Variants in PKHD1L1 observed in about 807,000 individuals in gnomAD.
PKHD1L1 encodes fibrocystin-L.
Under a neutral mutation model 462.9 loss-of-function variants are expected in PKHD1L1, and 434 were observed. The observed-to-expected ratio is 0.94, with a 90% CI of 0.87 to 1.02. PKHD1L1 has a LOEUF of 1.02. PKHD1L1 is among the 50% of genes least tolerant of loss of function. The pLI is 0.00. For missense variants in PKHD1L1, 5,202 were observed against 5,096.1 expected, an observed-to-expected ratio of 1.02 and a Z score of -0.63; for synonymous variants, 1,781 against 1,750.0, an observed-to-expected ratio of 1.02 and a Z score of -0.44.
chr8:109,370,945 T>A (rs1811474574), intron 2 of PKHD1L1, among the ~76,000 whole-genome samples: 1 of 152,194 alleles, frequency 6.6e-6, no homozygotes, highest in African/African-American at 2.4e-5. Flanking sequence ...TCTTTGCTAT[T>A]GTGAATAGTG....
intron 26 of PKHD1L1, 37 bp downstream of exon 26, chr8:109,429,499 T>C: frequency 6.4e-7 from 1 of 1,568,762 alleles, no homozygotes; most frequent in Non-Finnish European, 8.7e-7. Flanking sequence ...CTTAATGTAA[T>C]TTTAATAGTA....
At chr8:109,387,731 A>G (rs1231645760) in intron 6 of PKHD1L1, among the ~76,000 whole-genome samples, 1 of 152,230 alleles carries the variant, frequency 6.6e-6, no homozygotes, top group Non-Finnish European at 1.5e-5. Flanking sequence ...GTGTAAAAGT[A>G]TATTAAAAAG....
At position 109,443,663 on chromosome 8, in the gene PKHD1L1, C is replaced by G; in HGVS notation, c.4565-13C>G. 6.3e-7 allele frequency: 1 copy of G among 1,596,282 alleles called. No homozygotes were observed. On this transcript the variant is annotated splice_polypyrimidine_tract_variant and intron_variant, in intron 36 of 77. Coordinates refer to ENST00000378402, the MANE Select transcript of PKHD1L1 (RefSeq NM_177531.6). ...GTTATTCATGACTTAACGGGCAGTT[C>G]TTTTGTCTAAAGGAGGACCTGAGAA...
intron 6 of PKHD1L1, among the ~76,000 whole-genome samples, chr8:109,388,131 T>A (rs1334254548): frequency 6.6e-6 from 1 of 152,228 alleles, no homozygotes; most frequent in South Asian, 2.1e-4. Flanking sequence ...TTGAGTTGAT[T>A]GAACTTCAGA....
intron 17 of PKHD1L1, 111 bp from the exon 18 acceptor site, chr8:109,407,938 A>G: frequency 1.5e-6 from 1 of 670,064 alleles, no homozygotes; most frequent in Non-Finnish European, 2.0e-6. Flanking sequence ...ACCAAATGAA[A>G]CCAATTTGGC....
intron 27 of PKHD1L1, among the ~76,000 whole-genome samples, chr8:109,431,811 G>A (rs1294907950): frequency 1.3e-5 from 2 of 152,084 alleles, no homozygotes; most frequent in East Asian, 3.8e-4. Flanking sequence ...TTGCATACGT[G>A]TTAGAGCTTC....
At chr8:109,423,372 CATT>C (rs1302841551) in intron 23 of PKHD1L1, among the ~76,000 whole-genome samples, 1 of 152,122 alleles carries the variant, frequency 6.6e-6, no homozygotes, top group Non-Finnish European at 1.5e-5. Flanking sequence ...GTTTCAGCAA[CATT>C]ATTGAAAAGG....
chr8:109,421,746 T>C (rs1250182907), intron 23 of PKHD1L1, among the ~76,000 whole-genome samples: 4 of 152,148 alleles, frequency 2.6e-5, no homozygotes, highest in Admixed American at 6.6e-5. Context: ...ATCGCGCCAC[T>C]GCACTTCAGC....
At chr8:109,486,132 A>G (rs1182250543) in intron 58 of PKHD1L1, among the ~76,000 whole-genome samples, 1 of 151,962 alleles carries the variant, frequency 6.6e-6, no homozygotes, top group African/African-American at 2.4e-5. Context: ...GGTGTTGGAT[A>G]TGCTACTACC....
At chr8:109,510,500 T>A (rs1819915407) in intron 70 of PKHD1L1, among the ~76,000 whole-genome samples, 1 of 152,154 alleles carries the variant, frequency 6.6e-6, no homozygotes, top group Non-Finnish European at 1.5e-5. Context: ...GACCTTCCGA[T>A]ACAAATTCTT....
In PKHD1L1 at chr8:109,497,212, A is replaced by G; in HGVS notation, c.10539A>G (p.Pro3513=). 1.9e-6 allele frequency: 3 copies of G among 1,613,676 alleles called. No homozygotes were observed. Among genetic ancestry groups the G allele is most frequent in the Non-Finnish European group, 2.5e-6 (3 of 1,179,654 alleles). The change falls in exon 65 of 78, where the codon CCA becomes CCG. Residue 3513 remains proline, a synonymous_variant. Coordinates refer to ENST00000378402, the MANE Select transcript of PKHD1L1 (RefSeq NM_177531.6). The part of the protein sequence containing the change: ...TLVDNGMAIF[P]MIYMPAAISH... ...TTGACAATGGAATGGCCATTTTTCC[A>G]ATGATTTACATGCCAGCTGCTATAT...
At position 109,426,997 on chromosome 8, in the gene PKHD1L1, T is replaced by C. The variant is rs1326440148; in HGVS notation, c.2846-5T>C. 1.4e-6 allele frequency: 2 copies of C among 1,458,998 alleles called. No individual in the cohort carries two copies. The highest frequency in any genetic ancestry group is 4.5e-5 in the East Asian group (2 of 44,186). 90.4% of individuals were successfully genotyped at this position (1,458,998 alleles called of 1,614,324 possible). ...CTGCTGTTTGCCACCCCTCTGTGAGTGCAGGCCTCCCCGCTGCTGTGTCAG... is the reference window on the plus strand; with the variant it reads ...CTGCTGTTTGCCACCCCTCTGTGAGCGCAGGCCTCCCCGCTGCTGTGTCAG... On this transcript the variant is annotated splice_polypyrimidine_tract_variant and splice_region_variant and intron_variant, in intron 24 of 77. Transcript: ENST00000378402.
intron 9 of PKHD1L1, among the ~76,000 whole-genome samples, chr8:109,393,270 G>A (rs1299131660): frequency 3.3e-5 from 5 of 151,870 alleles, no homozygotes; most frequent in Admixed American, 2.0e-4. Flanking sequence ...AGCATTAATT[G>A]TTGGTCTCGG....
chr8:109,408,249 C>A, intron 18 of PKHD1L1, 43 bp downstream of exon 18: 1 of 1,533,934 alleles, frequency 6.5e-7, no homozygotes, highest in Non-Finnish European at 8.9e-7. Flanking sequence ...TCCCTGCACC[C>A]TCTCACATCA....
rs1460693012 is a variant in PKHD1L1 at position 109,497,246 on chromosome 8, A to C, written c.10573A>C (p.Ile3525Leu). The change falls in exon 65 of 78, where the codon ATT becomes CTT. Residue 3525 changes from isoleucine (I) to leucine (L), a missense_variant. Transcript: ENST00000378402. The part of the protein sequence containing the change: ...IYMPAAISHK[I>L]SSKNVQIKSS... ...CATGCCAGCTGCTATATCACACAAA[A>C]TTTCCAGTAAAAATGTACAAATTAA... The C allele has an allele frequency of 6.2e-7, 1 of 1,613,562 alleles. No homozygotes were observed. Among genetic ancestry groups the C allele is most frequent in the Admixed American group, 1.7e-5 (1 of 59,994 alleles).
At position 109,438,472 on chromosome 8, in the gene PKHD1L1, A is replaced by G. The variant is rs1349893424; in HGVS notation, c.3760+16A>G. 27 of 1,528,512 alleles carry G rather than the reference A, an allele frequency of 1.8e-5. No individual in the cohort carries two copies. The highest frequency in any genetic ancestry group is 2.5e-5 in the South Asian group (2 of 79,052). The allele number at this position is 1,528,512 out of a possible 1,614,324, so 94.7% of individuals were successfully genotyped here. ...ACAATACTAGGTAAGAAATTCTTCA[A>G]TAAGATTGGTCATTTGTCCTATGTA... On this transcript the variant is annotated intron_variant, in intron 31 of 77. Coordinates refer to ENST00000378402, the MANE Select transcript of PKHD1L1 (RefSeq NM_177531.6).
At chr8:109,450,878 T>C (rs1816449637) in intron 40 of PKHD1L1, 97 bp from the exon 41 acceptor site, 2 of 1,179,384 alleles carry the variant, frequency 1.7e-6, no homozygotes, top group East Asian at 5.0e-5. Context: ...AAGATGATTG[T>C]GTGAAAAGGA....
At chr8:109,453,110 C>A (rs1350750561) in intron 43 of PKHD1L1, among the ~76,000 whole-genome samples, 1 of 152,156 alleles carries the variant, frequency 6.6e-6, no homozygotes, top group African/African-American at 2.4e-5. Flanking sequence ...GAATAGATTG[C>A]ATGCATATGG....
rs114620191 is a variant in PKHD1L1, at chr8:109,502,761, G to A, written c.10829-1566G>A. ...TGCTCTCAGGAGAAAGGGAGTGAAA[G>A]AAGTATTAGAATAGGGCAGAGGAAG... On this transcript the variant is annotated intron_variant, in intron 67 of 77. Coordinates refer to ENST00000378402, the MANE Select transcript of PKHD1L1 (RefSeq NM_177531.6). 3.7e-3 allele frequency among the ~76,000 whole-genome samples: 562 copies of A among 152,344 alleles called. 3 individuals carry two copies. The highest frequency in any genetic ancestry group is 0.013 in the African/African-American group (533 of 41,574).
Sources: gnomAD v4.1 joint callset for allele counts (sites outside exome capture counted in the v4.1 genomes callset) on GRCh38, gnomAD v4.1.1 for gene constraint, MANE v1.5 for transcripts, NCBI Gene and HGNC (gene_info 2026-07-23, HGNC 2026-07-21) for gene names.